The following HERC4 variants were observed in gnomAD, a reference collection of about 807,000 sequenced individuals.
HERC4 encodes the protein HECT and RLD domain containing E3 ubiquitin protein ligase 4, also known as probable E3 ubiquitin-protein ligase HERC4.
Under a neutral mutation model 124.3 loss-of-function variants are expected in HERC4, and 28 were observed. The ratio of observed to expected loss-of-function variants is 0.23; its 90% confidence interval spans 0.17 to 0.31. The LOEUF is 0.31. Ranked by LOEUF, HERC4 falls within the 10% of genes least tolerant of loss-of-function variation. The pLI is 1.00. For missense variants in HERC4, 713 were observed against 1,229.3 expected (o/e 0.58, Z 6.28); for synonymous variants, 407 against 421.5 (o/e 0.97, Z 0.42).
intron 5 of HERC4, among the ~76,000 whole-genome samples, chr10:68,034,528 G>A (rs1264814944): frequency 6.6e-6 from 1 of 152,028 alleles, no homozygotes; most frequent in Non-Finnish European, 1.5e-5. Flanking sequence ...TTTCTCCCAA[G>A]AGGCACTCAT....
At chr10:67,974,597 A>G (rs1224680021) in intron 15 of HERC4, among the ~76,000 whole-genome samples, 2 of 152,228 alleles carry the variant, frequency 1.3e-5, no homozygotes, top group Non-Finnish European at 2.9e-5. Flanking sequence ...GATATTGCCT[A>G]TAGTTCTTAC....
rs568495762 is a variant in HERC4 at position 67,980,874 on chromosome 10, G to T, written c.1806+7789C>A. Among the ~76,000 whole-genome samples the T allele has an allele frequency of 1.8e-3, 271 of 152,074 alleles. 1 individual carries two copies. The highest frequency in any genetic ancestry group is 3.4e-3 in the Middle Eastern group (1 of 294). On this transcript the variant is annotated intron_variant, in intron 15 of 24. Transcript: ENST00000373700. Reference sequence around the variant, plus strand: ...ATAAGATAGTATCTGCAAGCCCCATGGTAACCTGAAACCAAAAGCATATAA... The same window carrying T: ...ATAAGATAGTATCTGCAAGCCCCATTGTAACCTGAAACCAAAAGCATATAA...
intron 15 of HERC4, among the ~76,000 whole-genome samples, chr10:67,969,831 G>A (rs969666641): frequency 6.6e-6 from 1 of 152,088 alleles, no homozygotes; most frequent in Non-Finnish European, 1.5e-5. Flanking sequence ...AAAGGTCCAG[G>A]CACACATAAT....
chr10:68,061,650 G>T (rs1050855124), intron 3 of HERC4, among the ~76,000 whole-genome samples: 1 of 151,236 alleles, frequency 6.6e-6, no homozygotes, highest in Admixed American at 6.6e-5. Context: ...AGGCAGAGAC[G>T]GGCAGATCAC....
In HERC4 at chr10:68,007,031, G is replaced by A. The variant is rs1247956927; in HGVS notation, c.1069+6995C>T. 4.6e-5 allele frequency among the ~76,000 whole-genome samples: 7 copies of A among 152,070 alleles called. No homozygotes were observed. The East Asian group carries it at 1.2e-3, about 25-fold the overall frequency. ...GATATTTTTCTTTAGGATTGAAAAG[G>A]TCTCTATTATTAGCTCTTTAAATAA... On this transcript the variant is annotated intron_variant, in intron 9 of 24. Coordinates refer to ENST00000373700, the MANE Select transcript of HERC4 (RefSeq NM_015601.4).
At chr10:67,937,246 G>A (rs976672493) in intron 21 of HERC4, among the ~76,000 whole-genome samples, 11 of 152,236 alleles carry the variant, frequency 7.2e-5, no homozygotes, top group African/African-American at 2.6e-4. Flanking sequence ...AATACTGTGT[G>A]ATATGACAAA....
At chr10:68,019,792 G>T (rs553017368) in intron 8 of HERC4, among the ~76,000 whole-genome samples, 1 of 152,302 alleles carries the variant, frequency 6.6e-6, no homozygotes, top group East Asian at 1.9e-4. Flanking sequence ...GTAGAAGCCA[G>T]GGTGGGCAAT....
In HERC4 at chr10:67,962,223, C is replaced by CAA. The variant is rs34157958; in HGVS notation, c.1926+4458_1926+4459dup. ...TTACTACTAAGAAAGTTTAAATAAG[C>CAA]AAAAAAAAAAAAGCCTATAAAAATT... On this transcript the variant is annotated intron_variant, in intron 16 of 24. Transcript: ENST00000373700. Among the ~76,000 whole-genome samples, 30 of 142,994 alleles carry CAA rather than the reference C, an allele frequency of 2.1e-4. 1 individual carries two copies. The highest frequency in any genetic ancestry group is 1.5e-3 in the South Asian group (7 of 4,536). The allele number at this position is 142,994 out of a possible 152,430, so 93.8% of individuals were successfully genotyped here.
intron 3 of HERC4, among the ~76,000 whole-genome samples, chr10:68,059,803 TATATTATA>T (rs1259767473): frequency 1.2e-5 from 1 of 83,372 alleles, no homozygotes; most frequent in African/African-American, 6.2e-5. Context: ...CATAATATTA[TATATTATA>T]ATATTATATA....
intron 15 of HERC4, among the ~76,000 whole-genome samples, chr10:67,971,605 CAAATGAG>C (rs1418249908): frequency 6.6e-6 from 1 of 152,008 alleles, no homozygotes; most frequent in African/African-American, 2.4e-5. Context: ...ACACTCTCAG[CAAATGAG>C]AAATGGAAGA....
At chr10:67,986,584 T>C (rs958762220) in intron 15 of HERC4, among the ~76,000 whole-genome samples, 2 of 152,126 alleles carry the variant, frequency 1.3e-5, no homozygotes, top group African/African-American at 4.8e-5. Flanking sequence ...CTCAAACTCC[T>C]GACCTCAAGT....
intron 24 of HERC4, 39 bp from the exon 25 acceptor site, chr10:67,923,178 C>A: frequency 1.4e-6 from 2 of 1,470,490 alleles, no homozygotes; most frequent in Admixed American, 1.7e-5. Context: ...CACTTCAAAA[C>A]AAAAAGATAC....
chr10:67,924,190 T>C (rs1216411473), intron 24 of HERC4, among the ~76,000 whole-genome samples: 1 of 152,230 alleles, frequency 6.6e-6, no homozygotes. Flanking sequence ...GTGACTGTAC[T>C]GAATGTGTCA....
chr10:67,990,286 T>G lies in HERC4; in HGVS notation c.1558A>C (p.Asn520His). 1 of 1,613,064 alleles carries G rather than the reference T, an allele frequency of 6.2e-7. No individual in the cohort carries two copies. ...LPECPLMSDS[N>H]NFTTIAIPFG... is the part of the protein sequence containing the mutation. ...GGAATTGCTATTGTTGTGAAATTGT[T>G]GGAATCACTCATCAGGGGACATTCT... is the stretch of plus-strand genomic sequence containing the variant. The change falls in exon 14 of 25, where the codon AAC becomes CAC. Residue 520 changes from asparagine (N) to histidine (H), a missense_variant. By Grantham distance (68) the Asn-to-His change is moderately conservative. Transcript: ENST00000373700.
At chr10:68,070,337 T>C in intron 3 of HERC4, 1 of 941,476 alleles carries the variant, frequency 1.1e-6, no homozygotes, top group Non-Finnish European at 1.3e-6. Context: ...CCAGGAGCAG[T>C]GGCTCATGCC....
At chr10:68,060,214 T>C (rs1052266001) in intron 3 of HERC4, among the ~76,000 whole-genome samples, 24 of 151,794 alleles carry the variant, frequency 1.6e-4, no homozygotes, top group Non-Finnish European at 2.9e-4. Flanking sequence ...AAGGTGTAAA[T>C]AATGTTCTTT....
At chr10:67,982,583 C>T (rs2035995781) in intron 15 of HERC4, among the ~76,000 whole-genome samples, 1 of 151,954 alleles carries the variant, frequency 6.6e-6, no homozygotes, top group South Asian at 2.1e-4. Flanking sequence ...TTCCTAATGC[C>T]CCACAAGCAC....
At chr10:67,969,620 C>T (rs114997655) in intron 15 of HERC4, among the ~76,000 whole-genome samples, 166 of 152,212 alleles carry the variant, frequency 1.1e-3, no homozygotes, top group African/African-American at 3.8e-3. Flanking sequence ...AGGAAGGGGA[C>T]GCAAACCCAT....
chr10:68,030,162 G>A (rs967394868), intron 7 of HERC4, among the ~76,000 whole-genome samples: 7 of 151,976 alleles, frequency 4.6e-5, no homozygotes, highest in Admixed American at 3.9e-4. Flanking sequence ...ATATAAGGCC[G>A]GGTGCAGGAT....
Sources: gnomAD v4.1 joint callset for allele counts (sites outside exome capture counted in the v4.1 genomes callset) on GRCh38, gnomAD v4.1.1 for gene constraint, MANE v1.5 for transcripts, NCBI Gene and HGNC (gene_info 2026-07-23, HGNC 2026-07-21) for gene names.